Variants in ATAD1 observed in about 807,000 individuals in gnomAD.
The protein encoded by ATAD1 is ATPase family AAA domain containing 1, also known as outer mitochondrial transmembrane helix translocase.
Under a neutral mutation model 42.7 loss-of-function variants are expected in ATAD1, and 18 were observed. The observed-to-expected ratio is 0.42, with a 90% CI of 0.29 to 0.63. The LOEUF is 0.63. Among genes scored for constraint, ATAD1 ranks in the 20% least tolerant of loss-of-function variants. ATAD1 has a pLI of 0.19. For synonymous variants in ATAD1, 132 were observed against 143.1 expected (o/e 0.92, Z 0.55); for missense variants, 294 against 440.4 (o/e 0.67, Z 2.98).
At chr10:87,821,395 G>C (rs1190160376), upstream of ATAD1, among the ~76,000 whole-genome samples, 1 of 152,026 alleles carries the variant, frequency 6.6e-6, no homozygotes, top group Non-Finnish European at 1.5e-5. Flanking sequence ...AGCTGGGTGT[G>C]GTGGCGGGCA....
intron 2 of ATAD1, among the ~76,000 whole-genome samples, chr10:87,806,969 T>C (rs146799032): frequency 5.4e-4 from 82 of 152,296 alleles, no homozygotes; most frequent in African/African-American, 1.7e-3. Context: ...GAGACTCCTT[T>C]TCTTTTGTCT....
At chr10:87,764,754 G>A (rs578025962) in intron 8 of ATAD1, among the ~76,000 whole-genome samples, 8 of 152,074 alleles carry the variant, frequency 5.3e-5, no homozygotes, top group East Asian at 1.9e-4. Context: ...CTCTGCAATC[G>A]GCAAAACCCA....
chr10:87,762,681 T>C (rs966173114), intron 8 of ATAD1, among the ~76,000 whole-genome samples: 2 of 151,252 alleles, frequency 1.3e-5, no homozygotes, highest in Non-Finnish European at 2.9e-5. Context: ...TTGGCCAGGC[T>C]GGTTTCGAAC....
intron 1 of ATAD1, among the ~76,000 whole-genome samples, chr10:87,834,856 A>T (rs1420489637): frequency 6.6e-6 from 1 of 151,884 alleles, no homozygotes; most frequent in Non-Finnish European, 1.5e-5. Context: ...AAGATCAGTG[A>T]CGTGAGAACT....
At chr10:87,776,893 A>G (rs530439431) in intron 5 of ATAD1, among the ~76,000 whole-genome samples, 64 of 152,240 alleles carry the variant, frequency 4.2e-4, no homozygotes, top group Non-Finnish European at 8.2e-4. Flanking sequence ...GATCATTGAA[A>G]TGTCACTCTG....
At chr10:87,814,108 A>C (rs1223430438) in intron 2 of ATAD1, among the ~76,000 whole-genome samples, 1 of 152,144 alleles carries the variant, frequency 6.6e-6, no homozygotes, top group Non-Finnish European at 1.5e-5. Flanking sequence ...GCATATCATT[A>C]CTGAAGATAA....
intron 2 of ATAD1, among the ~76,000 whole-genome samples, chr10:87,809,008 T>G (rs1205252126): frequency 6.6e-6 from 1 of 152,222 alleles, no homozygotes; most frequent in Non-Finnish European, 1.5e-5. Flanking sequence ...TGCTATAAAG[T>G]TCTATGGGCC....
intron 8 of ATAD1, among the ~76,000 whole-genome samples, chr10:87,764,123 T>C (rs1055655625): frequency 4.6e-5 from 7 of 151,456 alleles, no homozygotes; most frequent in South Asian, 2.1e-4. Flanking sequence ...ACAGAGACAA[T>C]ACATATGAGA....
intron 7 of ATAD1, among the ~76,000 whole-genome samples, chr10:87,769,535 T>C (rs991369581): frequency 6.6e-6 from 1 of 152,238 alleles, no homozygotes; most frequent in African/African-American, 2.4e-5. Context: ...TCATAAAGCA[T>C]ATTTTACATT....
chr10:87,781,729 A>G (rs1031797825), intron 5 of ATAD1, among the ~76,000 whole-genome samples: 3 of 151,926 alleles, frequency 2.0e-5, no homozygotes, highest in Non-Finnish European at 4.4e-5. Context: ...AATATCCTCA[A>G]TCTCCTGGGC....
intron 3 of ATAD1, 134 bp downstream of exon 3, chr10:87,792,523 A>G: frequency 1.6e-6 from 1 of 643,182 alleles, no homozygotes; most frequent in Non-Finnish European, 2.7e-6. Context: ...ACAGGAATAC[A>G]ACTATATGCC....
chr10:87,812,327 A>G (rs1388028173), intron 2 of ATAD1, among the ~76,000 whole-genome samples: 3 of 152,104 alleles, frequency 2.0e-5, no homozygotes, highest in African/African-American at 7.2e-5. Context: ...CCCAGGCTGG[A>G]GTGCAGGGGT....
chr10:87,766,123 T>C (rs1339812092), intron 8 of ATAD1, among the ~76,000 whole-genome samples: 2 of 152,176 alleles, frequency 1.3e-5, no homozygotes, highest in Non-Finnish European at 2.9e-5. Flanking sequence ...TAACATTCTG[T>C]TGGCAAGACT....
intron 1 of ATAD1, among the ~76,000 whole-genome samples, chr10:87,840,208 A>G (rs1452479414): frequency 6.6e-6 from 1 of 152,222 alleles, no homozygotes; most frequent in Non-Finnish European, 1.5e-5. Context: ...TTCAGGCTGG[A>G]TGCAGTGGCT....
intron 2 of ATAD1, among the ~76,000 whole-genome samples, chr10:87,811,797 C>T (rs1247022116): frequency 6.6e-6 from 1 of 152,122 alleles, no homozygotes; most frequent in East Asian, 1.9e-4. Context: ...TTCTGAGATT[C>T]AGACCTGCAA....
chr10:87,833,644 C>T (rs779515935), intron 1 of ATAD1, among the ~76,000 whole-genome samples: 10 of 147,922 alleles, frequency 6.8e-5, no homozygotes, highest in Admixed American at 1.4e-4. Flanking sequence ...CTTCTACCCT[C>T]GTCTGCTGAG....
chr10:87,818,311 G>C (rs549270557), upstream of ATAD1: 37 of 961,248 alleles, frequency 3.8e-5, no homozygotes, highest in South Asian at 9.1e-4. Context: ...CGGCGCGGAG[G>C]GGGCGTGCTC....
In ATAD1 at chr10:87,756,786, T is replaced by C. The variant is rs1046412582; in HGVS notation, c.965+3A>G. On this transcript the variant is annotated splice_donor_region_variant and intron_variant, in intron 9 of 9. Coordinates refer to ENST00000680024, the MANE Select transcript of ATAD1 (RefSeq NM_001321967.2). The stretch of plus-strand genomic sequence containing the variant: ...TGTTAAAAATCAAGTCAAAATAACA[T>C]ACCTTTCTTCTGATGTAGAATTAAC... The C allele has an allele frequency of 3.1e-6, 5 of 1,589,214 alleles. No homozygotes were observed. Among genetic ancestry groups the C allele is most frequent in the Non-Finnish European group, 4.3e-6 (5 of 1,171,258 alleles).
chr10:87,784,695 A>T, intron 4 of ATAD1, 25 bp from the exon 5 acceptor site: 1 of 1,590,980 alleles, frequency 6.3e-7, no homozygotes, highest in Non-Finnish European at 8.6e-7. Context: ...GTTATTTATT[A>T]CCTTTAAGGG....
Sources: allele counts gnomAD v4.1 joint callset (sites outside exome capture counted in the v4.1 genomes callset), GRCh38; gene constraint gnomAD v4.1.1; transcripts MANE v1.5; gene names NCBI Gene and HGNC (gene_info 2026-07-23, HGNC 2026-07-21).